PATL1: variants seen among roughly 807,000 people sequenced by gnomAD.
PATL1 encodes the protein protein PAT1 homolog 1.
PATL1 carries 32 observed loss-of-function variants against 100.6 expected under a neutral mutation model. The observed-to-expected ratio is 0.32, with a 90% CI of 0.24 to 0.43. The LOEUF (loss-of-function observed/expected upper bound fraction) is 0.43, where lower values mean the gene tolerates loss of function less well. Among genes scored for constraint, PATL1 ranks in the 20% least tolerant of loss-of-function variants. The pLI, the probability that PATL1 is intolerant of heterozygous loss-of-function variation, is 1.00. For missense variants in PATL1, 747 were observed against 949.9 expected, an observed-to-expected ratio of 0.79 and a Z score of 2.81; for synonymous variants, 332 against 330.0, an observed-to-expected ratio of 1.01 and a Z score of -0.07.
intron 16 of PATL1, 154 bp from the exon 17 acceptor site, chr11:59,639,537 G>C: frequency 1.6e-6 from 1 of 621,052 alleles, no homozygotes; most frequent in Non-Finnish European, 2.8e-6. Flanking sequence ...GATCAGACAA[G>C]CATGAGTTGA....
At chr11:59,652,781 C>A in intron 10 of PATL1, 57 bp downstream of exon 10, 4 of 1,559,970 alleles carry the variant, frequency 2.6e-6, no homozygotes, top group Non-Finnish European at 3.5e-6. Context: ...TAAATGAATA[C>A]CCTCACCAGT....
Position 59,659,264 on chromosome 11 carries a change from C to T in PATL1, c.333G>A (p.Arg111=), listed in dbSNP as rs1394355051. ...DPAIMRAVQT[R]PVLQPQPGSL... ...GTAACTTACTTACTTGTAAAACTGG[C>T]CTGGTCTGCACTGCCCTCATAATAG... The change falls in exon 3 of 19, where the codon AGG becomes AGA. Residue 111 remains arginine (R), a synonymous_variant. Transcript: ENST00000300146. The T allele has an allele frequency of 1.3e-6, 2 of 1,551,402 alleles. No homozygotes were observed. The highest frequency in any genetic ancestry group is 2.4e-5 in the South Asian group (2 of 84,056).
chr11:59,663,504 C>T (rs1861652306), intron 2 of PATL1, among the ~76,000 whole-genome samples: 1 of 151,946 alleles, frequency 6.6e-6, no homozygotes, highest in Non-Finnish European at 1.5e-5. Flanking sequence ...TCTATAGTTA[C>T]TTAACCCGTC....
At chr11:59,638,888 GGTCA>G (rs1861231490) in intron 18 of PATL1, among the ~76,000 whole-genome samples, 156 bp downstream of exon 18, 1 of 151,936 alleles carries the variant, frequency 6.6e-6, no homozygotes, top group Non-Finnish European at 1.5e-5. Flanking sequence ...TCACCATTTT[GGTCA>G]GGCTGGTCTG....
intron 1 of PATL1, 86 bp from the exon 2 acceptor site, chr11:59,667,050 C>A: frequency 6.8e-7 from 1 of 1,467,048 alleles, no homozygotes; most frequent in South Asian, 1.4e-5. Context: ...CTTACCTTCT[C>A]AATGAACATA....
chr11:59,660,793 G>A (rs1271843070), intron 2 of PATL1, among the ~76,000 whole-genome samples: 4 of 152,182 alleles, frequency 2.6e-5, no homozygotes, highest in Non-Finnish European at 5.9e-5. Context: ...GCTGAAAACA[G>A]GCTAGGGAAG....
rs1339750182 is a variant in PATL1, at chr11:59,638,000, GA to G, written c.*389del. The G allele has an allele frequency of 4.2e-6, 1 of 237,082 alleles. No homozygotes were observed. The highest frequency in any genetic ancestry group is 8.4e-6 in the Non-Finnish European group (1 of 118,912). 14.7% of individuals were successfully genotyped at this position (237,082 alleles called of 1,614,324 possible). A position where few individuals can be genotyped will look rare whatever the true frequency, so the allele number is the denominator to read the frequency against. On this transcript the variant is annotated 3_prime_UTR_variant, in exon 19 of 19. Transcript: ENST00000300146. ...TATAGTCATATTAATATGGGGCAAT[GA>G]AAAAACAACTTCAATAGGATGAGGG...
chr11:59,655,953 T>C lies in PATL1; in HGVS notation c.813+3A>G. 3 of 1,578,770 alleles carry C rather than the reference T, an allele frequency of 1.9e-6. No homozygotes were observed. The highest frequency in any genetic ancestry group is 1.7e-4 in the Middle Eastern group (1 of 6,016). On this transcript the variant is annotated splice_donor_region_variant and intron_variant, in intron 7 of 18. Coordinates refer to ENST00000300146, the MANE Select transcript of PATL1 (RefSeq NM_152716.3). ...TTATGGGTAGGGCTAATCACAGGCT[T>C]ACCTGTGCTCCTCCAAGAAGCTGTG...
chr11:59,665,944 G>A (rs1222845264), intron 2 of PATL1, among the ~76,000 whole-genome samples: 1 of 152,148 alleles, frequency 6.6e-6, no homozygotes, highest in Non-Finnish European at 1.5e-5. Context: ...CCCGTGGCCT[G>A]TAACCTTAGT....
intron 15 of PATL1, among the ~76,000 whole-genome samples, chr11:59,643,661 C>A (rs772614334): frequency 6.6e-6 from 1 of 152,086 alleles, no homozygotes; most frequent in Non-Finnish European, 1.5e-5. Context: ...AACCACATTC[C>A]GGCTTGGGTG....
chr11:59,662,761 T>C (rs1055915727), intron 2 of PATL1, among the ~76,000 whole-genome samples: 3 of 152,188 alleles, frequency 2.0e-5, no homozygotes, highest in Non-Finnish European at 2.9e-5. Flanking sequence ...TCTAATGCAG[T>C]AGAGTTCTAA....
intron 9 of PATL1, 69 bp downstream of exon 9, chr11:59,653,914 G>C: frequency 7.4e-7 from 1 of 1,346,126 alleles, no homozygotes; most frequent in Non-Finnish European, 1.1e-6. Flanking sequence ...CAACTAAATA[G>C]CATGTTGTTA....
intron 14 of PATL1, among the ~76,000 whole-genome samples, chr11:59,649,185 G>A (rs1000626499): frequency 1.3e-5 from 2 of 152,120 alleles, no homozygotes; most frequent in African/African-American, 2.4e-5. Flanking sequence ...ACCCAATAAC[G>A]TTACCCACTA....
At chr11:59,657,143 C>A in intron 5 of PATL1, 1 of 984,820 alleles carries the variant, frequency 1.0e-6, no homozygotes, top group Non-Finnish European at 1.2e-6. Context: ...TGGAACAGGA[C>A]TGCACAGGCT....
rs977899448 is a variant in PATL1 at position 59,655,508 on chromosome 11, G to A, written c.1031+15C>T. The A allele has an allele frequency of 1.7e-5, 26 of 1,536,690 alleles. No individual in the cohort carries two copies. Among genetic ancestry groups the A allele is most frequent in the South Asian group, 3.6e-5 (3 of 83,388 alleles). ...TGGCTGATAACTGATAAACAGTGGC[G>A]TTGATTTTGTATACCTTAGGTTTTG... On this transcript the variant is annotated intron_variant, in intron 8 of 18. Transcript: ENST00000300146.
intron 7 of PATL1, 39 bp from the exon 8 acceptor site, chr11:59,655,779 C>T (rs1277243771): frequency 6.6e-7 from 1 of 1,520,144 alleles, no homozygotes; most frequent in South Asian, 1.2e-5. Context: ...AGACAATCAG[C>T]AAGTCCCCTT....
At position 59,668,978 on chromosome 11, in the gene PATL1, G is replaced by A. The variant is rs1412251992; in HGVS notation, c.-83C>T. 1.3e-5 allele frequency: 4 copies of A among 316,560 alleles called. No individual in the cohort carries two copies. The highest frequency in any genetic ancestry group is 2.4e-5 in the Non-Finnish European group (4 of 166,900). 19.6% of individuals were successfully genotyped at this position (316,560 alleles called of 1,614,324 possible). The stretch of plus-strand genomic sequence containing the variant: ...TGACTCCCCGGCTCCTCCGCGCGCG[G>A]GTCCTCCACCGGCTCGCGACCCCTG... On this transcript the variant is annotated 5_prime_UTR_variant, in exon 1 of 19. Transcript: ENST00000300146.
chr11:59,649,796 GTCTC>G (rs1374252370), intron 13 of PATL1, among the ~76,000 whole-genome samples, 186 bp from the exon 14 acceptor site: 1 of 151,288 alleles, frequency 6.6e-6, no homozygotes, highest in East Asian at 1.9e-4. Flanking sequence ...ACCATTCTTT[GTCTC>G]TCTCTGACTT....
chr11:59,647,968 AT>A, intron 14 of PATL1, 55 bp from the exon 15 acceptor site: 2 of 1,507,166 alleles, frequency 1.3e-6, no homozygotes, highest in East Asian at 2.3e-5. Flanking sequence ...AGAAACCCTC[AT>A]TTTTTTCCTC....
Sources: allele counts gnomAD v4.1 joint callset (sites outside exome capture counted in the v4.1 genomes callset), GRCh38; gene constraint gnomAD v4.1.1; transcripts MANE v1.5; gene names NCBI Gene and HGNC (gene_info 2026-07-23, HGNC 2026-07-21).